The following SLC28A1 variants were observed in gnomAD, a reference collection of about 807,000 sequenced individuals.
SLC28A1 encodes sodium/nucleoside cotransporter 1.
In SLC28A1, 64 loss-of-function variants were observed where a neutral mutation model predicts 74.8. The ratio of observed to expected loss-of-function variants is 0.86; its 90% CI spans 0.70 to 1.05. SLC28A1 has a LOEUF of 1.05. Ranked by LOEUF, SLC28A1 falls within the 50% of genes least tolerant of loss-of-function variation. The pLI is 0.00. For synonymous variants in SLC28A1, 359 were observed against 335.0 expected, an observed-to-expected ratio of 1.07 and a Z score of -0.78; for missense variants, 828 against 822.8, an observed-to-expected ratio of 1.01 and a Z score of -0.08.
chr15:84,942,591 A>T (rs1972838437), intron 15 of SLC28A1, among the ~76,000 whole-genome samples: 1 of 152,154 alleles, frequency 6.6e-6, no homozygotes, highest in Non-Finnish European at 1.5e-5. Context: ...TTATTCCCCT[A>T]TTCCAGACAG....
intron 15 of SLC28A1, among the ~76,000 whole-genome samples, chr15:84,940,290 C>G (rs529277285): frequency 6.6e-6 from 1 of 152,210 alleles, no homozygotes; most frequent in Admixed American, 6.5e-5. Flanking sequence ...CCATACTGCA[C>G]CAGGCAAGGT....
intron 6 of SLC28A1, among the ~76,000 whole-genome samples, chr15:84,900,432 A>G (rs1966553692): frequency 7.1e-6 from 1 of 140,754 alleles, no homozygotes; most frequent in Non-Finnish European, 1.6e-5. Context: ...AAAGAAGAAG[A>G]AGAAAGAAAG....
chr15:84,921,433 T>G (rs2141917095), intron 11 of SLC28A1, among the ~76,000 whole-genome samples: 1 of 152,310 alleles, frequency 6.6e-6, no homozygotes, highest in African/African-American at 2.4e-5. Flanking sequence ...AAATCCAGGT[T>G]TTCTTCTTTC....
intron 6 of SLC28A1, chr15:84,895,422 C>T: frequency 1.2e-6 from 2 of 1,613,992 alleles, no homozygotes; most frequent in East Asian, 2.2e-5. Context: ...CAGTACCTCC[C>T]TCAGATCACC....
chr15:84,936,466 A>C (rs1971953290), intron 15 of SLC28A1, among the ~76,000 whole-genome samples: 2 of 151,674 alleles, frequency 1.3e-5, no homozygotes, highest in South Asian at 4.2e-4. Flanking sequence ...CATGTTGGCC[A>C]GTCTGGTCTT....
intron 6 of SLC28A1, chr15:84,895,690 T>A: frequency 7.2e-7 from 1 of 1,396,174 alleles, no homozygotes. Flanking sequence ...GCCCACCATT[T>A]CACCAGGCAG....
chr15:84,923,082 C>A (rs1018877052), intron 11 of SLC28A1, among the ~76,000 whole-genome samples: 1 of 152,180 alleles, frequency 6.6e-6, no homozygotes, highest in Non-Finnish European at 1.5e-5. Flanking sequence ...GGATTACTGA[C>A]ATGTGTCAGC....
chr15:84,896,605 A>G (rs1966026122), intron 6 of SLC28A1, among the ~76,000 whole-genome samples: 1 of 152,082 alleles, frequency 6.6e-6, no homozygotes, highest in Non-Finnish European at 1.5e-5. Context: ...TGAGGTCAGG[A>G]GTTTGAGACC....
In SLC28A1 at chr15:84,922,574, C is replaced by T. The variant is rs558311638; in HGVS notation, c.958-1411C>T. Among the ~76,000 whole-genome samples, 5 of 152,320 alleles carry T rather than the reference C, an allele frequency of 3.3e-5. No homozygotes were observed. In the East Asian group the frequency reaches 5.8e-4, roughly 18 times the overall value. The stretch of plus-strand genomic sequence containing the variant: ...CCTGGACACTGCCGTCTCCTCCTAC[C>T]TCTTCTTCCTTCCCGTACTATCCGT... On this transcript the variant is annotated intron_variant, in intron 11 of 18. Transcript: ENST00000394573.
chr15:84,919,832 G>A (rs1003613758), intron 10 of SLC28A1, among the ~76,000 whole-genome samples: 2 of 152,122 alleles, frequency 1.3e-5, no homozygotes, highest in African/African-American at 4.8e-5. Context: ...GAGTTTAGGT[G>A]GGGATATTCA....
intron 9 of SLC28A1, among the ~76,000 whole-genome samples, chr15:84,912,390 C>T (rs1010249177): frequency 2.6e-5 from 4 of 152,170 alleles, no homozygotes; most frequent in East Asian, 1.9e-4. Flanking sequence ...CTGCTTCCTG[C>T]TGGGCCATGG....
Position 84,912,756 on chromosome 15 carries a change from T to A in SLC28A1, c.795+3961T>A, listed in dbSNP as rs563071260. 1.2e-4 allele frequency among the ~76,000 whole-genome samples: 18 copies of A among 151,236 alleles called. No individual in the cohort carries two copies. The South Asian group carries it at 3.6e-3, about 30-fold the overall frequency. On this transcript the variant is annotated intron_variant, in intron 9 of 18. Coordinates refer to ENST00000394573, the MANE Select transcript of SLC28A1 (RefSeq NM_004213.5). The stretch of plus-strand genomic sequence containing the variant: ...CTCCTGAGAGTTTCGGGATGTCTGA[T>A]ATAGACTCTGCAGTCCCCAGTGGTC...
At chr15:84,938,991 GA>G (rs1322557672) in intron 15 of SLC28A1, among the ~76,000 whole-genome samples, 1 of 152,194 alleles carries the variant, frequency 6.6e-6, no homozygotes, top group African/African-American at 2.4e-5. Flanking sequence ...GGAACAGTTG[GA>G]AATCACTGAA....
the SLC28A1 span, among the ~76,000 whole-genome samples, chr15:84,959,476 C>CTT: frequency 5.4e-5 from 8 of 147,734 alleles, no homozygotes; most frequent in African/African-American, 2.0e-4. Flanking sequence ...TCTGAAACTC[C>CTT]TTTTTTTTTT....
At chr15:84,924,354 G>T (rs1356654563) in intron 12 of SLC28A1, among the ~76,000 whole-genome samples, 1 of 152,104 alleles carries the variant, frequency 6.6e-6, no homozygotes, top group East Asian at 1.9e-4. Flanking sequence ...GTACCAGGCA[G>T]TATGCTAGGT....
chr15:84,967,942 G>A, the SLC28A1 span, among the ~76,000 whole-genome samples: 141 of 152,260 alleles, frequency 9.3e-4, 1 homozygote, highest in African/African-American at 2.9e-3. Flanking sequence ...CAAAAGAAGG[G>A]CTAAGATTTA....
chr15:84,908,200 T>C (rs79759912), intron 8 of SLC28A1, among the ~76,000 whole-genome samples: 1 of 133,508 alleles, frequency 7.5e-6, no homozygotes, highest in African/African-American at 2.7e-5. Context: ...TTTTTTTTTT[T>C]TGAGACAGAG....
intron 12 of SLC28A1, 69 bp downstream of exon 12, chr15:84,924,179 C>A: frequency 2.0e-6 from 3 of 1,527,508 alleles, no homozygotes; most frequent in Non-Finnish European, 2.7e-6. Context: ...GAGCCCCACA[C>A]AGCTCCTGGC....
chr15:84,923,677 C>A (rs534360581), intron 11 of SLC28A1, among the ~76,000 whole-genome samples: 1 of 152,096 alleles, frequency 6.6e-6, no homozygotes, highest in Non-Finnish European at 1.5e-5. Flanking sequence ...TCCTGGAAAA[C>A]GGAGATACCC....
Sources: allele counts gnomAD v4.1 joint callset (sites outside exome capture counted in the v4.1 genomes callset), GRCh38; gene constraint gnomAD v4.1.1; transcripts MANE v1.5; gene names NCBI Gene and HGNC (gene_info 2026-07-23, HGNC 2026-07-21).